ADARB2: variants seen among roughly 807,000 people sequenced by gnomAD.
ADARB2 encodes the protein inactive double-stranded RNA-specific editase B2.
A neutral mutation model predicts 62.2 loss-of-function variants in ADARB2; 25 were observed. The observed-to-expected ratio is 0.40, with a 90% CI of 0.29 to 0.56. The LOEUF is 0.56. ADARB2 is among the 20% of genes least tolerant of loss of function. The probability of loss-of-function intolerance (pLI) is 0.43; values close to 1 mark genes in which losing one functional copy is unlikely to be tolerated. For synonymous variants in ADARB2, 572 were observed against 500.8 expected (o/e 1.14, Z -1.90); for missense variants, 1,071 against 1,077.4 (o/e 0.99, Z 0.08).
intron 6 of ADARB2, among the ~76,000 whole-genome samples, chr10:1,226,098 T>G (rs1441976944): frequency 6.6e-6 from 1 of 152,238 alleles, no homozygotes; most frequent in Non-Finnish European, 1.5e-5. Flanking sequence ...TCTTGGAGGC[T>G]TTCTTCATTT....
chr10:1,549,115 C>T (rs1028262462), intron 1 of ADARB2, among the ~76,000 whole-genome samples: 7 of 145,510 alleles, frequency 4.8e-5, no homozygotes, highest in Non-Finnish European at 8.9e-5. Context: ...GGCTGGCGTC[C>T]GGTACACGGA....
chr10:1,395,207 C>T (rs1832601093), intron 1 of ADARB2, among the ~76,000 whole-genome samples: 1 of 152,182 alleles, frequency 6.6e-6, no homozygotes, highest in East Asian at 1.9e-4. Context: ...CAAGCCTAAT[C>T]TGTTCTTTCT....
At chr10:1,601,509 A>T (rs1376266090) in intron 1 of ADARB2, among the ~76,000 whole-genome samples, 1 of 152,222 alleles carries the variant, frequency 6.6e-6, no homozygotes, top group Non-Finnish European at 1.5e-5. Flanking sequence ...ATAAACACCG[A>T]TCTTAGCTAT....
intron 1 of ADARB2, among the ~76,000 whole-genome samples, chr10:1,607,963 C>G (rs904940731): frequency 6.6e-6 from 1 of 152,198 alleles, no homozygotes; most frequent in Non-Finnish European, 1.5e-5. Flanking sequence ...CCATCACACC[C>G]CACACAACAG....
chr10:1,510,146 TTCTTTCTTTCTTTCTTTCTTTC>T (rs1831915315), intron 1 of ADARB2, among the ~76,000 whole-genome samples: 1 of 146,254 alleles, frequency 6.8e-6, no homozygotes, highest in East Asian at 2.0e-4. Flanking sequence ...CTTTCTTTCT[TTCTTTCTTTCTTTCTTTCTTTC>T]TTTTTCTTTC....
Position 1,351,593 on chromosome 10 carries a change from T to C in ADARB2, c.1077+11435A>G, listed in dbSNP as rs188401081. Among the ~76,000 whole-genome samples the C allele has an allele frequency of 1.9e-3, 289 of 152,078 alleles. 2 individuals are homozygous for C. The highest frequency in any genetic ancestry group is 6.8e-3 in the African/African-American group (283 of 41,466). Reference sequence around the variant, plus strand: ...CCCCCAGTTCAAAGCCTCCTTCACATCCTCCCCTTGTATCTCCCCACCTTA... The same window carrying C: ...CCCCCAGTTCAAAGCCTCCTTCACACCCTCCCCTTGTATCTCCCCACCTTA... On this transcript the variant is annotated intron_variant, in intron 3 of 9. Transcript: ENST00000381312.
intron 3 of ADARB2, among the ~76,000 whole-genome samples, chr10:1,302,298 C>A (rs1480377097): frequency 6.6e-6 from 1 of 152,174 alleles, no homozygotes; most frequent in Non-Finnish European, 1.5e-5. Flanking sequence ...GTCACTCCCA[C>A]CTGAATACTG....
chr10:1,225,874 G>C (rs1254687711), intron 6 of ADARB2, among the ~76,000 whole-genome samples: 1 of 152,048 alleles, frequency 6.6e-6, no homozygotes, highest in Non-Finnish European at 1.5e-5. Context: ...TGGTGAATCT[G>C]ACAATTATGT....
chr10:1,666,732 C>T (rs1299103456), intron 1 of ADARB2, among the ~76,000 whole-genome samples: 1 of 152,184 alleles, frequency 6.6e-6, no homozygotes, highest in Non-Finnish European at 1.5e-5. Context: ...GGAACCCACA[C>T]GCAGCTCATC....
chr10:1,543,785 C>T lies in ADARB2; in HGVS notation c.101-164625G>A, dbSNP rs145345810. Among the ~76,000 whole-genome samples, 7 of 152,292 alleles carry T rather than the reference C, an allele frequency of 4.6e-5. No individual in the cohort carries two copies. In the East Asian group the frequency reaches 1.3e-3, roughly 29 times the overall value. ...TTCCTTCTTCTTCCCTGTGAAGGGG[C>T]AGCGCTGGGCCCGCTTATTAGTGCA... On this transcript the variant is annotated intron_variant, in intron 1 of 9. Transcript: ENST00000381312.
At chr10:1,358,922 T>C (rs538854570) in intron 3 of ADARB2, among the ~76,000 whole-genome samples, 2 of 152,356 alleles carry the variant, frequency 1.3e-5, no homozygotes, top group African/African-American at 4.8e-5. Context: ...ACTGGCATTA[T>C]AGTTTACTTT....
chr10:1,413,832 G>A (rs1479752112), intron 1 of ADARB2, among the ~76,000 whole-genome samples: 2 of 152,194 alleles, frequency 1.3e-5, no homozygotes, highest in Non-Finnish European at 2.9e-5. Flanking sequence ...TGTAAATTAT[G>A]CATCCATTCT....
intron 1 of ADARB2, among the ~76,000 whole-genome samples, chr10:1,573,921 G>A (rs956105047): frequency 6.6e-6 from 1 of 152,198 alleles, no homozygotes; most frequent in Non-Finnish European, 1.5e-5. Context: ...CACAAGACAC[G>A]TCCTGCTAAC....
chr10:1,270,527 T>C lies in ADARB2; in HGVS notation c.1192+428A>G, dbSNP rs183649971. 1.3e-3 allele frequency among the ~76,000 whole-genome samples: 195 copies of C among 152,358 alleles called. 6 individuals are homozygous for C. In the South Asian group the frequency reaches 0.034, roughly 27 times the overall value. ...TCCTGGCTGACTGGAGAGGACGCCT[T>C]CTTGGCTCTCAGCATGCCCCTCGCG... On this transcript the variant is annotated intron_variant, in intron 4 of 9. Transcript: ENST00000381312.
At chr10:1,341,424 A>T (rs1313205701) in intron 3 of ADARB2, among the ~76,000 whole-genome samples, 2 of 144,536 alleles carry the variant, frequency 1.4e-5, no homozygotes, top group East Asian at 4.0e-4. Context: ...CCACCAGAGA[A>T]CGACGCACCC....
chr10:1,601,253 A>C (rs1478316449), intron 1 of ADARB2, among the ~76,000 whole-genome samples: 1 of 152,178 alleles, frequency 6.6e-6, no homozygotes, highest in Admixed American at 6.5e-5. Flanking sequence ...GTGAGTGGTC[A>C]CTGGAGCCCA....
intron 1 of ADARB2, among the ~76,000 whole-genome samples, chr10:1,615,598 C>G (rs1436138654): frequency 6.6e-6 from 1 of 152,250 alleles, no homozygotes; most frequent in Non-Finnish European, 1.5e-5. Context: ...GAATTGGGCT[C>G]TCCCACTGAC....
chr10:1,234,137 C>G (rs1245994915), intron 5 of ADARB2, among the ~76,000 whole-genome samples: 1 of 151,532 alleles, frequency 6.6e-6, no homozygotes, highest in Non-Finnish European at 1.5e-5. Context: ...TACAGGCATG[C>G]GCCACCACGC....
At chr10:1,639,999 A>G (rs1337919868) in intron 1 of ADARB2, among the ~76,000 whole-genome samples, 1 of 152,116 alleles carries the variant, frequency 6.6e-6, no homozygotes, top group Non-Finnish European at 1.5e-5. Flanking sequence ...TCAGGCCTTA[A>G]TGGGGTGTTG....
Sources: allele counts gnomAD v4.1 joint callset (sites outside exome capture counted in the v4.1 genomes callset), GRCh38; gene constraint gnomAD v4.1.1; transcripts MANE v1.5; gene names NCBI Gene and HGNC (gene_info 2026-07-23, HGNC 2026-07-21).